Variants in NUP205 observed in about 807,000 individuals in gnomAD.
NUP205 encodes the protein nuclear pore complex protein Nup205.
Under a neutral mutation model 253.8 loss-of-function variants are expected in NUP205, and 76 were observed. The observed-to-expected ratio is 0.30, with a 90% CI of 0.25 to 0.36. NUP205 has a LOEUF of 0.36. Among genes scored for constraint, NUP205 ranks in the 10% least tolerant of loss-of-function variants. NUP205 has a pLI of 1.00. For synonymous variants in NUP205, 832 were observed against 850.1 expected, an observed-to-expected ratio of 0.98 and a Z score of 0.37; for missense variants, 2,162 against 2,425.5, an observed-to-expected ratio of 0.89 and a Z score of 2.28.
chr7:135,592,977 T>C lies in NUP205; in HGVS notation c.1625-10T>C, dbSNP rs1806668920. 6.3e-7 allele frequency: 1 copy of C among 1,591,856 alleles called. No individual in the cohort carries two copies. Among genetic ancestry groups the C allele is most frequent in the Non-Finnish European group, 8.6e-7 (1 of 1,160,662 alleles). On this transcript the variant is annotated splice_polypyrimidine_tract_variant and intron_variant, in intron 11 of 42. Coordinates refer to ENST00000285968, the MANE Select transcript of NUP205 (RefSeq NM_015135.3). ...TTTTAAATAAAATTCTGTGCTGTTT[T>C]TCTTTATAGTTGAAAATATTCAGGG...
intron 36 of NUP205, 37 bp downstream of exon 36, chr7:135,635,694 G>A: frequency 1.6e-6 from 2 of 1,261,130 alleles, no homozygotes; most frequent in Non-Finnish European, 1.1e-6. Flanking sequence ...GCAGTTATAA[G>A]ACATGTTACA....
chr7:135,586,310 G>C (rs1210561127), intron 8 of NUP205, among the ~76,000 whole-genome samples: 1 of 151,882 alleles, frequency 6.6e-6, no homozygotes, highest in African/African-American at 2.4e-5. Context: ...GGTAATTTGT[G>C]TCTTCTCCCC....
chr7:135,609,064 A>C (rs1420044036), intron 22 of NUP205, among the ~76,000 whole-genome samples: 1 of 146,762 alleles, frequency 6.8e-6, no homozygotes, highest in Non-Finnish European at 1.5e-5. Context: ...AGATCGTGCC[A>C]CTGTACTCCA....
In NUP205 at chr7:135,616,808, G is replaced by A. The variant is rs144687871; in HGVS notation, c.3532+82G>A. 1.2e-4 allele frequency: 101 copies of A among 811,638 alleles called. 1 individual carries two copies. The highest frequency in any genetic ancestry group is 1.1e-3 in the African/African-American group (59 of 55,698). The allele number at this position is 811,638 out of a possible 1,614,324, so 50.3% of individuals were successfully genotyped here. ...AAAACTTCAAGGGATTATTATGCCT[G>A]TGCCTCCAAACTCTGAACTGGTATA... On this transcript the variant is annotated intron_variant, in intron 25 of 42. Transcript: ENST00000285968.
intron 38 of NUP205, 65 bp downstream of exon 38, chr7:135,638,748 A>G: frequency 6.4e-7 from 1 of 1,558,600 alleles, no homozygotes; most frequent in Non-Finnish European, 8.8e-7. Context: ...ATAGCTCTCC[A>G]GCTTGGCTCC....
intron 33 of NUP205, among the ~76,000 whole-genome samples, chr7:135,627,360 C>T (rs1794613795): frequency 6.6e-6 from 1 of 152,184 alleles, no homozygotes; most frequent in South Asian, 2.1e-4. Flanking sequence ...ATCTGAAAAT[C>T]TGAAATCTGC....
chr7:135,643,956 G>A (rs1223960664), intron 39 of NUP205, among the ~76,000 whole-genome samples: 2 of 152,200 alleles, frequency 1.3e-5, no homozygotes, highest in African/African-American at 4.8e-5. Context: ...CCTGAATGTT[G>A]AGCCACTTTG....
At chr7:135,591,630 T>G (rs756739259) in intron 11 of NUP205, 30 bp downstream of exon 11, 1 of 1,599,926 alleles carries the variant, frequency 6.3e-7, no homozygotes, top group South Asian at 1.1e-5. Context: ...TGTTAAAGTT[T>G]GTTGTTATAC....
intron 30 of NUP205, among the ~76,000 whole-genome samples, chr7:135,622,241 G>C (rs1219880112): frequency 6.6e-6 from 1 of 151,724 alleles, no homozygotes; most frequent in Non-Finnish European, 1.5e-5. Flanking sequence ...TGGCCAACAT[G>C]ATGAAACCCC....
rs189921115 is a variant in NUP205, at chr7:135,563,980, T to C, written c.28+6008T>C. Among the ~76,000 whole-genome samples, 503 of 152,016 alleles carry C rather than the reference T, an allele frequency of 3.3e-3. 8 individuals are homozygous for C. Among genetic ancestry groups the C allele is most frequent in the African/African-American group, 0.011 (466 of 41,410 alleles). ...TCCAGCCTGGGTGACAGCAAGACCCTGTCACAAAAAACAAACAAAAAAAAG... is the reference window on the plus strand; with the variant it reads ...TCCAGCCTGGGTGACAGCAAGACCCCGTCACAAAAAACAAACAAAAAAAAG... On this transcript the variant is annotated intron_variant, in intron 1 of 42. Transcript: ENST00000285968.
In NUP205 at chr7:135,627,684, A is replaced by T. The variant is rs79650890; in HGVS notation, c.4794-289A>T. ...TATATGGCCCAAGGAAGCTTTAGAG[A>T]AGAATAAAAATGTTTTGGAAGTTTC... On this transcript the variant is annotated intron_variant, in intron 33 of 42. Transcript: ENST00000285968. Among the ~76,000 whole-genome samples the T allele has an allele frequency of 0.018, 2,764 of 152,286 alleles. 40 individuals carry two copies. Among genetic ancestry groups the T allele is most frequent in the Non-Finnish European group, 0.029 (1,978 of 68,028 alleles).
chr7:135,583,744 G>T (rs759775264), intron 7 of NUP205, among the ~76,000 whole-genome samples: 1 of 152,134 alleles, frequency 6.6e-6, no homozygotes, highest in Non-Finnish European at 1.5e-5. Context: ...GGGTGACAGA[G>T]CGAGACCCTG....
At position 135,558,232 on chromosome 7, in the gene NUP205, G is replaced by A; in HGVS notation, c.28+260G>A. ...GGACCCAGGTGTGTAATCTCTCACA[G>A]CCCAGGGCTGAGTCTGGTCCCCCTC... is the stretch of plus-strand genomic sequence containing the variant. On this transcript the variant is annotated intron_variant, in intron 1 of 42. Transcript: ENST00000285968. 9.5e-6 allele frequency: 5 copies of A among 524,716 alleles called. No individual in the cohort carries two copies. In the South Asian group the frequency reaches 1.0e-4, roughly 11 times the overall value. 32.5% of individuals were successfully genotyped at this position (524,716 alleles called of 1,614,324 possible). A position where few individuals can be genotyped will look rare whatever the true frequency, so the allele number is the denominator to read the frequency against.
At chr7:135,606,697 CTT>C (rs1563125791) in intron 20 of NUP205, 52 bp from the exon 21 acceptor site, 2 of 1,406,348 alleles carry the variant, frequency 1.4e-6, no homozygotes, top group Non-Finnish European at 2.0e-6. Context: ...TTTTATTTGA[CTT>C]ACGTTAACTT....
chr7:135,645,671 T>A (rs1037611975), intron 41 of NUP205, 75 bp downstream of exon 41: 11 of 1,412,080 alleles, frequency 7.8e-6, no homozygotes, highest in African/African-American at 2.9e-5. Flanking sequence ...AGTTTTTTTT[T>A]ATTTTTGTTT....
chr7:135,611,058 T>C (rs1009484915), intron 22 of NUP205, among the ~76,000 whole-genome samples: 1 of 150,386 alleles, frequency 6.6e-6, no homozygotes, highest in African/African-American at 2.5e-5. Flanking sequence ...TTGCCTGGAG[T>C]GCAGTGGTGT....
chr7:135,586,696 G>GT (rs894452496), intron 8 of NUP205, among the ~76,000 whole-genome samples: 9 of 152,260 alleles, frequency 5.9e-5, no homozygotes, highest in African/African-American at 2.2e-4. Flanking sequence ...ATTTAGCAGT[G>GT]TGTTGTTTAA....
chr7:135,644,775 A>G (rs1794975496), intron 39 of NUP205, 120 bp from the exon 40 acceptor site: 1 of 976,710 alleles, frequency 1.0e-6, no homozygotes, highest in African/African-American at 1.7e-5. Context: ...CTTATCTGCA[A>G]GGATGTTTAA....
intron 5 of NUP205, 52 bp downstream of exon 5, chr7:135,577,180 A>G: frequency 6.6e-7 from 1 of 1,515,556 alleles, no homozygotes; most frequent in Non-Finnish European, 9.0e-7. Context: ...TCTCAGAGGC[A>G]GAAACATGAC....
Sources: allele counts gnomAD v4.1 joint callset (sites outside exome capture counted in the v4.1 genomes callset), GRCh38; gene constraint gnomAD v4.1.1; transcripts MANE v1.5; gene names NCBI Gene and HGNC (gene_info 2026-07-23, HGNC 2026-07-21).